TBC1D5: variants seen among roughly 807,000 people sequenced by gnomAD.
TBC1D5 encodes the protein TBC1 domain family member 5, also known as TBC1 domain family, member 5.
TBC1D5 carries 75 observed loss-of-function variants against 100.3 expected under a neutral mutation model. The ratio of observed to expected loss-of-function variants is 0.75; its 90% CI spans 0.62 to 0.91. The LOEUF (loss-of-function observed/expected upper bound fraction) is 0.91. Among genes scored for constraint, TBC1D5 ranks in the 40% least tolerant of loss-of-function variants. The pLI is 0.00. For synonymous variants in TBC1D5, 323 were observed against 325.6 expected (o/e 0.99, Z 0.09); for missense variants, 910 against 942.4 (o/e 0.97, Z 0.45).
chr3:17,466,797 G>A (rs947274348), intron 3 of TBC1D5, among the ~76,000 whole-genome samples: 3 of 150,622 alleles, frequency 2.0e-5, no homozygotes, highest in African/African-American at 4.9e-5. Flanking sequence ...TCTTTAGATT[G>A]TTTTATTTTT....
At chr3:17,265,181 C>A (rs967237947) in intron 15 of TBC1D5, among the ~76,000 whole-genome samples, 1 of 152,028 alleles carries the variant, frequency 6.6e-6, no homozygotes, top group African/African-American at 2.4e-5. Context: ...TGATTTCCTG[C>A]AGTATGTCCA....
chr3:17,310,876 A>G (rs923653669), intron 13 of TBC1D5, among the ~76,000 whole-genome samples: 10 of 152,046 alleles, frequency 6.6e-5, no homozygotes, highest in Admixed American at 3.3e-4. Context: ...GAAGAAGCAT[A>G]TAACTAATGG....
intron 3 of TBC1D5, among the ~76,000 whole-genome samples, chr3:17,490,215 A>G (rs563533540): frequency 1.3e-5 from 2 of 152,138 alleles, no homozygotes; most frequent in South Asian, 4.2e-4. Context: ...GTAAATTTGT[A>G]TAAGTTCCTT....
In TBC1D5 at chr3:17,202,392, G is replaced by A. The variant is rs144023115; in HGVS notation, c.1752+11815C>T. On this transcript the variant is annotated intron_variant, in intron 18 of 21. Transcript: ENST00000253692. ...CTGGAACTTATACAACAGGGAAGCA[G>A]AGCATAAAAGTTTGGAAAATTTGCA... Among the ~76,000 whole-genome samples, 145 of 152,348 alleles carry A rather than the reference G, an allele frequency of 9.5e-4. 2 individuals carry two copies. In the East Asian group the frequency reaches 0.026, roughly 28 times the overall value.
chr3:17,238,590 G>A (rs1211327264), intron 16 of TBC1D5, among the ~76,000 whole-genome samples, 171 bp from the exon 17 acceptor site: 1 of 152,072 alleles, frequency 6.6e-6, no homozygotes, highest in African/African-American at 2.4e-5. Flanking sequence ...TAAATAATGA[G>A]TTTCTTAAAA....
intron 2 of TBC1D5, among the ~76,000 whole-genome samples, chr3:17,599,391 G>A (rs1327818411): frequency 2.0e-5 from 3 of 152,124 alleles, no homozygotes; most frequent in Admixed American, 6.5e-5. Context: ...AGAGGAGTTC[G>A]GTTGGGGATG....
chr3:17,352,393 T>TA (rs2090710783), intron 13 of TBC1D5, among the ~76,000 whole-genome samples: 2 of 152,030 alleles, frequency 1.3e-5, no homozygotes, highest in Non-Finnish European at 2.9e-5. Flanking sequence ...CTCTAAGTGT[T>TA]AAAATAAACC....
chr3:17,589,880 C>T (rs1464992672), intron 2 of TBC1D5, among the ~76,000 whole-genome samples: 1 of 152,194 alleles, frequency 6.6e-6, no homozygotes, highest in East Asian at 1.9e-4. Flanking sequence ...TACCTACCTG[C>T]AAACCGATAA....
At chr3:17,196,958 G>A (rs1016899715) in intron 18 of TBC1D5, among the ~76,000 whole-genome samples, 3 of 152,128 alleles carry the variant, frequency 2.0e-5, no homozygotes, top group Non-Finnish European at 2.9e-5. Context: ...AGAAATAATG[G>A]GTGAATGCAG....
At chr3:17,452,119 A>T (rs1043227406) in intron 3 of TBC1D5, among the ~76,000 whole-genome samples, 1 of 152,198 alleles carries the variant, frequency 6.6e-6, no homozygotes, top group Non-Finnish European at 1.5e-5. Context: ...ATAAGATAGT[A>T]TTTATAAGCC....
chr3:17,520,373 A>C (rs971337184), intron 2 of TBC1D5, among the ~76,000 whole-genome samples: 2 of 152,204 alleles, frequency 1.3e-5, no homozygotes, highest in African/African-American at 4.8e-5. Flanking sequence ...TGACGAAGAG[A>C]AAGGAAGAGA....
intron 21 of TBC1D5, among the ~76,000 whole-genome samples, chr3:17,164,256 A>G (rs768567090): frequency 4.6e-5 from 7 of 152,368 alleles, no homozygotes; most frequent in East Asian, 1.9e-4. Context: ...GAGGAAGGGC[A>G]TCGGCAGGAG....
intron 15 of TBC1D5, among the ~76,000 whole-genome samples, chr3:17,265,185 A>G (rs997365532): frequency 2.6e-5 from 4 of 152,192 alleles, no homozygotes; most frequent in African/African-American, 7.2e-5. Context: ...TTCCTGCAGT[A>G]TGTCCAAATT....
At chr3:17,319,477 G>GT (rs921056162) in intron 13 of TBC1D5, among the ~76,000 whole-genome samples, 21 of 146,942 alleles carry the variant, frequency 1.4e-4, no homozygotes, top group African/African-American at 5.0e-4. Flanking sequence ...GAACTTAAAA[G>GT]TTTAACAAGA....
intron 3 of TBC1D5, among the ~76,000 whole-genome samples, chr3:17,506,464 T>A (rs2095846101): frequency 6.6e-6 from 1 of 152,186 alleles, no homozygotes; most frequent in Non-Finnish European, 1.5e-5. Context: ...CCAAGCTGAA[T>A]GAGGGTCTTG....
intron 13 of TBC1D5, among the ~76,000 whole-genome samples, chr3:17,336,963 C>T (rs886691505): frequency 3.9e-5 from 6 of 151,906 alleles, no homozygotes; most frequent in Admixed American, 6.6e-5. Context: ...AGGGTGATTG[C>T]CTACTAAGAA....
At chr3:17,201,370 A>G (rs914113687) in intron 18 of TBC1D5, among the ~76,000 whole-genome samples, 2 of 152,208 alleles carry the variant, frequency 1.3e-5, no homozygotes, top group East Asian at 1.9e-4. Context: ...TGCTTCAGGC[A>G]TGAGATTCCG....
intron 21 of TBC1D5, among the ~76,000 whole-genome samples, chr3:17,164,672 C>T (rs2066416367): frequency 6.6e-6 from 1 of 152,218 alleles, no homozygotes; most frequent in Admixed American, 6.5e-5. Context: ...CAGCTCCAAG[C>T]ACTGATGAGT....
chr3:17,295,808 T>C (rs1300053290), intron 14 of TBC1D5, among the ~76,000 whole-genome samples: 1 of 152,198 alleles, frequency 6.6e-6, no homozygotes, highest in Admixed American at 6.5e-5. Flanking sequence ...AAAATATCAC[T>C]TATCAAGTAC....
Sources: allele counts gnomAD v4.1 joint callset (sites outside exome capture counted in the v4.1 genomes callset), GRCh38; gene constraint gnomAD v4.1.1; transcripts MANE v1.5; gene names NCBI Gene and HGNC (gene_info 2026-07-23, HGNC 2026-07-21).